FHIT: variants seen among roughly 807,000 people sequenced by gnomAD.
FHIT encodes fragile histidine triad diadenosine triphosphatase, also known as bis(5'-adenosyl)-triphosphatase.
FHIT carries 19 observed loss-of-function variants against 17.9 expected under a neutral mutation model. The ratio of observed to expected loss-of-function variants is 1.06; its 90% confidence interval spans 0.74 to 1.56. The LOEUF (loss-of-function observed/expected upper bound fraction) is 1.56. Ranked by LOEUF, FHIT falls within the 40% of genes most tolerant of loss-of-function variation. The probability of loss-of-function intolerance (pLI) is 0.00; values close to 1 mark genes in which losing one functional copy is unlikely to be tolerated. For missense variants in FHIT, 248 were observed against 189.2 expected, an observed-to-expected ratio of 1.31 and a Z score of -1.82; for synonymous variants, 81 against 69.7, an observed-to-expected ratio of 1.16 and a Z score of -0.81.
chr3:59,938,745 C>T (rs1706364018), intron 7 of FHIT, among the ~76,000 whole-genome samples: 1 of 152,134 alleles, frequency 6.6e-6, no homozygotes. Flanking sequence ...AAATGAGATT[C>T]TTTTCAAAAT....
intron 4 of FHIT, among the ~76,000 whole-genome samples, chr3:60,551,053 A>G (rs2107623822): frequency 6.6e-6 from 1 of 152,274 alleles, no homozygotes; most frequent in East Asian, 1.9e-4. Context: ...ATGTGACTAT[A>G]TGGGGATAAA....
chr3:60,574,579 G>T (rs960673129), intron 4 of FHIT, among the ~76,000 whole-genome samples: 1 of 151,950 alleles, frequency 6.6e-6, no homozygotes, highest in Non-Finnish European at 1.5e-5. Flanking sequence ...AATCCCTCAA[G>T]AATCCCAGGC....
chr3:59,792,688 G>A (rs1178990524), intron 8 of FHIT, among the ~76,000 whole-genome samples: 2 of 152,172 alleles, frequency 1.3e-5, no homozygotes, highest in African/African-American at 2.4e-5. Flanking sequence ...TATATTAACT[G>A]TCATTGTGGT....
At chr3:60,682,233 A>G (rs1162147288) in intron 4 of FHIT, among the ~76,000 whole-genome samples, 1 of 152,200 alleles carries the variant, frequency 6.6e-6, no homozygotes, top group Non-Finnish European at 1.5e-5. Flanking sequence ...GGCCTCCCAC[A>G]ATGCTGGGAT....
At position 61,015,537 on chromosome 3, in the gene FHIT, T is replaced by G. The variant is rs115174750; in HGVS notation, c.-111+26510A>C. 4.3e-3 allele frequency among the ~76,000 whole-genome samples: 654 copies of G among 152,322 alleles called. 3 individuals are homozygous for G. Among genetic ancestry groups the G allele is most frequent in the African/African-American group, 0.015 (605 of 41,572 alleles). ...TAATTACATTAAGAACTTGGAGGCA[T>G]GCCTTCAGGAATGTCACTATGGCTT... On this transcript the variant is annotated intron_variant, in intron 3 of 9. Transcript: ENST00000492590.
intron 2 of FHIT, among the ~76,000 whole-genome samples, chr3:61,121,579 C>T (rs2036458206): frequency 6.6e-6 from 1 of 152,164 alleles, no homozygotes; most frequent in South Asian, 2.1e-4. Context: ...ACAAGAGCTC[C>T]TGAAGGAAGC....
intron 7 of FHIT, among the ~76,000 whole-genome samples, chr3:59,968,080 A>G (rs924419074): frequency 6.6e-6 from 1 of 152,096 alleles, no homozygotes; most frequent in African/African-American, 2.4e-5. Flanking sequence ...TCAGTTTTCC[A>G]CCTTTACCAA....
At chr3:59,848,617 T>C (rs949958506) in intron 8 of FHIT, among the ~76,000 whole-genome samples, 5 of 152,208 alleles carry the variant, frequency 3.3e-5, no homozygotes, top group Admixed American at 6.5e-5. Context: ...CCAAAGTACT[T>C]ACATTTAGGA....
At chr3:60,358,637 C>T (rs112927379) in intron 5 of FHIT, among the ~76,000 whole-genome samples, 1 of 152,110 alleles carries the variant, frequency 6.6e-6, no homozygotes, top group African/African-American at 2.4e-5. Context: ...ATAAACATTG[C>T]TAAGTAAAGA....
chr3:60,159,230 C>A (rs1700836098), intron 5 of FHIT, among the ~76,000 whole-genome samples: 1 of 152,118 alleles, frequency 6.6e-6, no homozygotes, highest in African/African-American at 2.4e-5. Flanking sequence ...AGATGATCCT[C>A]CTGCCTCAGC....
intron 8 of FHIT, among the ~76,000 whole-genome samples, chr3:59,777,788 G>A (rs552764279): frequency 9.9e-5 from 15 of 152,086 alleles, no homozygotes; most frequent in East Asian, 5.8e-4. Context: ...CCAATGCTCC[G>A]GGCACACTGG....
intron 3 of FHIT, among the ~76,000 whole-genome samples, chr3:60,962,135 G>A (rs1341358200): frequency 6.6e-6 from 1 of 152,138 alleles, no homozygotes; most frequent in African/African-American, 2.4e-5. Context: ...TCCTTGAAGA[G>A]GTCCTTCCCA....
At chr3:61,070,792 TACGA>T (rs1306101695) in intron 2 of FHIT, among the ~76,000 whole-genome samples, 19 of 152,298 alleles carry the variant, frequency 1.2e-4, no homozygotes, top group Admixed American at 4.6e-4. Context: ...TGCCCAGTCT[TACGA>T]TGGTGCAGCC....
intron 3 of FHIT, among the ~76,000 whole-genome samples, chr3:60,930,635 C>T (rs1480865909): frequency 3.3e-5 from 5 of 152,170 alleles, no homozygotes; most frequent in African/African-American, 1.2e-4. Flanking sequence ...CACTGGCCAT[C>T]AGAGACATGC....
At chr3:61,231,697 G>A (rs1377809467) in intron 1 of FHIT, among the ~76,000 whole-genome samples, 1 of 152,164 alleles carries the variant, frequency 6.6e-6, no homozygotes, top group Non-Finnish European at 1.5e-5. Context: ...CTAGAGTCTG[G>A]TGGCCAACTC....
chr3:60,796,999 G>C (rs530887032), intron 4 of FHIT, among the ~76,000 whole-genome samples: 1 of 152,250 alleles, frequency 6.6e-6, no homozygotes, highest in African/African-American at 2.4e-5. Flanking sequence ...CCATGTGTTT[G>C]TATTACATTG....
intron 3 of FHIT, among the ~76,000 whole-genome samples, chr3:61,006,747 T>C (rs1207580505): frequency 6.6e-6 from 1 of 152,098 alleles, no homozygotes; most frequent in African/African-American, 2.4e-5. Context: ...AAAAGTATTT[T>C]TGAAATAAAA....
In FHIT at chr3:60,758,666, T is replaced by C. The variant is rs190917549; in HGVS notation, c.-18+63253A>G. 2.6e-5 allele frequency among the ~76,000 whole-genome samples: 4 copies of C among 152,346 alleles called. No homozygotes were observed. In the East Asian group the frequency reaches 7.7e-4, roughly 29 times the overall value. On this transcript the variant is annotated intron_variant, in intron 4 of 9. Transcript: ENST00000492590. The stretch of plus-strand genomic sequence containing the variant: ...GAGCTGTCGCTTAAAAATTTAGATG[T>C]ACATTTCTCATTCCATGTTTCATTT...
chr3:60,014,003 TCA>T lies in FHIT; in HGVS notation c.249+2_249+3del. 3 of 1,613,726 alleles carry T rather than the reference TCA, an allele frequency of 1.9e-6. No individual in the cohort carries two copies. The highest frequency in any genetic ancestry group is 2.5e-6 in the Non-Finnish European group (3 of 1,179,782). On this transcript the variant is annotated splice_donor_variant and splice_donor_region_variant and intron_variant, in intron 6 of 9. Transcript: ENST00000492590. LOFTEE classifies it high-confidence loss of function. ...AATCATTTCTGAGAAATCTGTACAC[TCA>T]CCTGCATGGAAAAGGTGAGAGAGGT... is the stretch of plus-strand genomic sequence containing the variant.
Sources: allele counts gnomAD v4.1 joint callset (sites outside exome capture counted in the v4.1 genomes callset), GRCh38; gene constraint gnomAD v4.1.1; transcripts MANE v1.5; gene names NCBI Gene and HGNC (gene_info 2026-07-23, HGNC 2026-07-21).